The following KLHDC1 variants were observed in gnomAD, a reference collection of about 807,000 sequenced individuals.
KLHDC1 encodes the protein kelch domain-containing protein 1.
KLHDC1 carries 53 observed loss-of-function variants against 68.3 expected under a neutral mutation model. The observed-to-expected ratio is 0.78, with a 90% CI of 0.62 to 0.98. The LOEUF is 0.98. KLHDC1 is among the 50% of genes least tolerant of loss of function. The pLI is 0.00. For missense variants in KLHDC1, 470 were observed against 492.3 expected (o/e 0.95, Z 0.43); for synonymous variants, 148 against 159.0 (o/e 0.93, Z 0.52).
chr14:49,738,173 G>A (rs917136257), intron 10 of KLHDC1, among the ~76,000 whole-genome samples: 9 of 151,010 alleles, frequency 6.0e-5, no homozygotes, highest in African/African-American at 1.5e-4. Flanking sequence ...GACTACAGGC[G>A]AAAATTATTA....
At chr14:49,750,032 C>T (rs1189633160) in intron 12 of KLHDC1, among the ~76,000 whole-genome samples, 4 of 152,108 alleles carry the variant, frequency 2.6e-5, no homozygotes, top group Non-Finnish European at 5.9e-5. Flanking sequence ...CACACTCCAG[C>T]CTGGTTAACA....
intron 1 of KLHDC1, among the ~76,000 whole-genome samples, chr14:49,700,753 T>G (rs1015996595): frequency 1.3e-5 from 2 of 152,184 alleles, no homozygotes; most frequent in Non-Finnish European, 2.9e-5. Flanking sequence ...GTTGACTTGA[T>G]GCAAGTAGAG....
At chr14:49,736,381 A>T (rs1888930219) in intron 10 of KLHDC1, among the ~76,000 whole-genome samples, 1 of 152,166 alleles carries the variant, frequency 6.6e-6, no homozygotes. Context: ...TCAGGTTGCA[A>T]GCTAGATGTC....
chr14:49,747,351 G>A (rs1889226058), intron 12 of KLHDC1, among the ~76,000 whole-genome samples: 1 of 152,148 alleles, frequency 6.6e-6, no homozygotes, highest in Admixed American at 6.6e-5. Flanking sequence ...GGTGACTTCT[G>A]GGGAAGAGCA....
chr14:49,713,807 TATATATATATATATATATATATATATATA>T (rs1888273408), intron 4 of KLHDC1, among the ~76,000 whole-genome samples: 2 of 3,038 alleles, frequency 6.6e-4, no homozygotes, highest in Admixed American at 9.3e-3. Flanking sequence ...GGTATATATA[TATATATATATATATATATATATATATATA>T]TATATATATA....
At chr14:49,737,654 CA>C (rs1441061748) in intron 10 of KLHDC1, among the ~76,000 whole-genome samples, 2 of 150,492 alleles carry the variant, frequency 1.3e-5, no homozygotes, top group Non-Finnish European at 3.0e-5. Flanking sequence ...TGCTTAAGCC[CA>C]GGAGTTCAAG....
chr14:49,721,350 T>A (rs549726005), intron 4 of KLHDC1, among the ~76,000 whole-genome samples: 59 of 152,118 alleles, frequency 3.9e-4, no homozygotes, highest in African/African-American at 1.3e-3. Context: ...CCTTTTTTTT[T>A]AAATTTTATT....
intron 11 of KLHDC1, among the ~76,000 whole-genome samples, chr14:49,741,759 C>T (rs1889071367): frequency 6.6e-6 from 1 of 151,944 alleles, no homozygotes; most frequent in African/African-American, 2.4e-5. Context: ...CTCCTAGCAC[C>T]CTGGGAAATT....
intron 1 of KLHDC1, among the ~76,000 whole-genome samples, chr14:49,697,808 T>C (rs1465286202): frequency 6.6e-6 from 1 of 152,262 alleles, no homozygotes; most frequent in African/African-American, 2.4e-5. Context: ...CCTAATCTTA[T>C]ATATTCTTAC....
intron 4 of KLHDC1, among the ~76,000 whole-genome samples, chr14:49,713,592 A>G (rs141802240): frequency 1.7e-3 from 261 of 151,548 alleles, no homozygotes; most frequent in African/African-American, 5.3e-3. Flanking sequence ...TGGATTTGAA[A>G]TATTTGATGT....
intron 4 of KLHDC1, among the ~76,000 whole-genome samples, chr14:49,715,587 A>G (rs1026037036): frequency 6.6e-6 from 1 of 150,586 alleles, no homozygotes; most frequent in Non-Finnish European, 1.5e-5. Context: ...TCTACTAAAA[A>G]TACAAAAATT....
At chr14:49,693,969 C>G (rs577081274) in intron 1 of KLHDC1, among the ~76,000 whole-genome samples, 1 of 151,684 alleles carries the variant, frequency 6.6e-6, no homozygotes, top group South Asian at 2.1e-4. Context: ...TCAGGCTGGT[C>G]TTGAACTCGC....
intron 1 of KLHDC1, among the ~76,000 whole-genome samples, chr14:49,696,845 A>G (rs369717105): frequency 0.23 from 34,765 of 152,094 alleles, 4,708 homozygotes; most frequent in Admixed American, 0.34. Context: ...ACTAAGCTTA[A>G]TTTCTAGCTT....
At chr14:49,739,625 A>G (rs1889012204) in intron 10 of KLHDC1, among the ~76,000 whole-genome samples, 1 of 152,214 alleles carries the variant, frequency 6.6e-6, no homozygotes, top group African/African-American at 2.4e-5. Context: ...GCAGATAGTA[A>G]TAAGAAAACT....
intron 4 of KLHDC1, among the ~76,000 whole-genome samples, chr14:49,713,829 TATATATATATA>T (rs1248809472): frequency 0.1 from 1,009 of 9,924 alleles, 179 homozygotes; most frequent in South Asian, 0.17. Context: ...TATATATATA[TATATATATATA>T]TATATATATA....
intron 1 of KLHDC1, chr14:49,700,082 A>G (rs1262200652): frequency 1.6e-5 from 5 of 319,670 alleles, no homozygotes; most frequent in Non-Finnish European, 3.0e-5. Context: ...GCTGGAGTGC[A>G]GTGGCGCGAT....
intron 12 of KLHDC1, among the ~76,000 whole-genome samples, chr14:49,746,404 A>T (rs79828124): frequency 0.035 from 5,332 of 152,126 alleles, 315 homozygotes; most frequent in African/African-American, 0.12. Context: ...ACTACATTTG[A>T]GGGGGAGGGA....
intron 4 of KLHDC1, among the ~76,000 whole-genome samples, chr14:49,720,811 T>A (rs971986435): frequency 6.6e-6 from 1 of 152,212 alleles, no homozygotes; most frequent in African/African-American, 2.4e-5. Context: ...ATCTATTGAC[T>A]TGTCTTCAAG....
At position 49,727,536 on chromosome 14, in the gene KLHDC1, T is replaced by C. The variant is rs181946703; in HGVS notation, c.568-1390T>C. ...TGTTCATGGAAATGATGGGAAGGTC[T>C]ATACAAAATCGTAAGTATTAGAGTT... On this transcript the variant is annotated intron_variant, in intron 6 of 12. Coordinates refer to ENST00000359332, the MANE Select transcript of KLHDC1 (RefSeq NM_172193.3). 8.2e-4 allele frequency among the ~76,000 whole-genome samples: 125 copies of C among 152,348 alleles called. 2 individuals are homozygous for C. In the South Asian group the frequency reaches 0.019, roughly 23 times the overall value.
Sources: allele counts gnomAD v4.1 joint callset (sites outside exome capture counted in the v4.1 genomes callset), GRCh38; gene constraint gnomAD v4.1.1; transcripts MANE v1.5; gene names NCBI Gene and HGNC (gene_info 2026-07-23, HGNC 2026-07-21).